KATNIP: variants seen among roughly 807,000 people sequenced by gnomAD.
The protein encoded by KATNIP is katanin-interacting protein.
Under a neutral mutation model 174.0 loss-of-function variants are expected in KATNIP, and 126 were observed. That is an observed-to-expected ratio of 0.72 (90% CI 0.63 to 0.84). The LOEUF (loss-of-function observed/expected upper bound fraction) is 0.84, where lower values mean the gene tolerates loss of function less well. Ranked by LOEUF, KATNIP falls within the 40% of genes least tolerant of loss-of-function variation. The pLI is 0.00. For synonymous variants in KATNIP, 810 were observed against 835.7 expected, an observed-to-expected ratio of 0.97 and a Z score of 0.53; for missense variants, 1,958 against 2,109.7, an observed-to-expected ratio of 0.93 and a Z score of 1.41.
intron 6 of KATNIP, chr16:27,660,059 T>G (rs1485792347): frequency 1.0e-6 from 1 of 957,924 alleles, no homozygotes; most frequent in Non-Finnish European, 1.2e-6. Flanking sequence ...AAATACCAAG[T>G]GACAGATTCC....
Position 27,778,715 on chromosome 16 carries a change from C to A in KATNIP, c.*86C>A. 1 of 1,379,492 alleles carries A rather than the reference C, an allele frequency of 7.2e-7. No homozygotes were observed. Among genetic ancestry groups the A allele is most frequent in the South Asian group, 1.3e-5 (1 of 77,438 alleles). 85.5% of individuals were successfully genotyped at this position (1,379,492 alleles called of 1,614,324 possible). ...AGTGCCTGCGTCCCTCACCCTCAGT[C>A]CCAGGAGCTGGAAGCGAACCACAGT... On this transcript the variant is annotated 3_prime_UTR_variant, in exon 28 of 28. Coordinates refer to ENST00000261588, the MANE Select transcript of KATNIP (RefSeq NM_015202.5).
chr16:27,604,363 A>G (rs2075634031), intron 2 of KATNIP, among the ~76,000 whole-genome samples: 2 of 152,172 alleles, frequency 1.3e-5, no homozygotes, highest in Non-Finnish European at 1.5e-5. Flanking sequence ...CCTGTGAAGT[A>G]GCTTGGACCA....
intron 8 of KATNIP, chr16:27,685,249 G>A (rs1474103908): frequency 2.0e-5 from 3 of 152,130 alleles, no homozygotes; most frequent in Admixed American, 6.6e-5. Context: ...AAATTACCTG[G>A]ACATGGTGGC....
intron 8 of KATNIP, among the ~76,000 whole-genome samples, chr16:27,691,343 C>T (rs2078726114): frequency 6.6e-6 from 1 of 152,142 alleles, no homozygotes; most frequent in South Asian, 2.1e-4. Flanking sequence ...GCAAAGTTAT[C>T]GGAAGAGGGA....
chr16:27,670,855 A>G (rs1414171491), intron 6 of KATNIP, among the ~76,000 whole-genome samples: 1 of 152,192 alleles, frequency 6.6e-6, no homozygotes, highest in African/African-American at 2.4e-5. Flanking sequence ...AACAAAGAAG[A>G]AAAGGAAAGT....
intron 22 of KATNIP, among the ~76,000 whole-genome samples, chr16:27,772,286 C>T (rs886073559): frequency 6.6e-6 from 1 of 152,158 alleles, no homozygotes; most frequent in Non-Finnish European, 1.5e-5. Context: ...CTATCATTCC[C>T]ATTTCACAGC....
intron 13 of KATNIP, among the ~76,000 whole-genome samples, chr16:27,712,631 C>T (rs1424825346): frequency 3.3e-5 from 5 of 152,126 alleles, no homozygotes; most frequent in Non-Finnish European, 5.9e-5. Context: ...TCTATGGAAA[C>T]TCCACCCTTC....
intron 1 of KATNIP, among the ~76,000 whole-genome samples, chr16:27,566,676 T>A (rs1489828223): frequency 6.6e-6 from 1 of 152,188 alleles, no homozygotes; most frequent in Non-Finnish European, 1.5e-5. Context: ...GCCGTTGGAC[T>A]AATGGGTTGC....
intron 5 of KATNIP, among the ~76,000 whole-genome samples, chr16:27,646,849 C>T (rs1034775043): frequency 3.3e-5 from 5 of 152,200 alleles, no homozygotes; most frequent in Non-Finnish European, 5.9e-5. Context: ...CCCAGGAACC[C>T]CTGTTACTCT....
intron 6 of KATNIP, among the ~76,000 whole-genome samples, chr16:27,676,063 T>C (rs1474304571): frequency 6.6e-6 from 1 of 152,228 alleles, no homozygotes; most frequent in Non-Finnish European, 1.5e-5. Flanking sequence ...CTGGATAGGC[T>C]GAAAATCATC....
intron 2 of KATNIP, among the ~76,000 whole-genome samples, chr16:27,583,702 G>C (rs16976880): frequency 1.3e-5 from 2 of 152,250 alleles, no homozygotes; most frequent in African/African-American, 4.8e-5. Flanking sequence ...AGCTTTAGTA[G>C]TGTCCACAGG....
At chr16:27,756,105 C>G (rs905294876) in intron 18 of KATNIP, among the ~76,000 whole-genome samples, 18 of 152,194 alleles carry the variant, frequency 1.2e-4, no homozygotes, top group African/African-American at 4.1e-4. Context: ...TCCACATCCC[C>G]TCCCTTATGG....
At chr16:27,588,708 G>A (rs146978104) in intron 2 of KATNIP, among the ~76,000 whole-genome samples, 5 of 151,896 alleles carry the variant, frequency 3.3e-5, no homozygotes, top group East Asian at 1.9e-4. Flanking sequence ...AAATTAAATC[G>A]CAAAATAATT....
intron 2 of KATNIP, among the ~76,000 whole-genome samples, chr16:27,602,213 G>A (rs939876767): frequency 2.6e-5 from 4 of 152,196 alleles, no homozygotes; most frequent in African/African-American, 9.7e-5. Flanking sequence ...TGCAGGCCCT[G>A]TGGAAACCTT....
intron 19 of KATNIP, among the ~76,000 whole-genome samples, chr16:27,762,583 C>T (rs1272896737): frequency 6.6e-6 from 1 of 152,192 alleles, no homozygotes; most frequent in East Asian, 1.9e-4. Context: ...GTCTCCCCTG[C>T]CTTGGTTTCC....
chr16:27,762,835 C>A (rs1348248225), intron 19 of KATNIP, among the ~76,000 whole-genome samples: 2 of 152,184 alleles, frequency 1.3e-5, no homozygotes, highest in Admixed American at 1.3e-4. Flanking sequence ...ACCTGGCTCC[C>A]AGTCAGCTGG....
At chr16:27,716,166 A>G (rs2079928701) in intron 13 of KATNIP, among the ~76,000 whole-genome samples, 1 of 152,232 alleles carries the variant, frequency 6.6e-6, no homozygotes, top group Admixed American at 6.5e-5. Flanking sequence ...ATGAACCTTG[A>G]AAACATTATG....
chr16:27,631,554 A>C (rs556859439), intron 5 of KATNIP, among the ~76,000 whole-genome samples: 2 of 151,968 alleles, frequency 1.3e-5, no homozygotes, highest in East Asian at 3.9e-4. Flanking sequence ...AAAAAAAAAA[A>C]AAAAAACACC....
At chr16:27,763,441 TAAAAAAA>T (rs35206356) in intron 19 of KATNIP, among the ~76,000 whole-genome samples, 5 of 68,186 alleles carry the variant, frequency 7.3e-5, no homozygotes, top group Admixed American at 1.8e-4. Context: ...ATTGTGTCTC[TAAAAAAA>T]AAAAAAAAAA....
Sources: allele counts gnomAD v4.1 joint callset (sites outside exome capture counted in the v4.1 genomes callset), GRCh38; gene constraint gnomAD v4.1.1; transcripts MANE v1.5; gene names NCBI Gene and HGNC (gene_info 2026-07-23, HGNC 2026-07-21).